The following LAMA4 variants were observed in gnomAD, a reference collection of about 807,000 sequenced individuals.
The protein encoded by LAMA4 is laminin subunit alpha-4.
In LAMA4, 127 loss-of-function variants were observed where a neutral mutation model predicts 207.1. The observed-to-expected ratio is 0.61, with a 90% CI of 0.53 to 0.71. The LOEUF is 0.71. Among genes scored for constraint, LAMA4 ranks in the 30% least tolerant of loss-of-function variants. The pLI, the probability that LAMA4 is intolerant of heterozygous loss-of-function variation, is 0.00. For missense variants in LAMA4, 2,093 were observed against 2,246.5 expected, an observed-to-expected ratio of 0.93 and a Z score of 1.38; for synonymous variants, 761 against 816.0, an observed-to-expected ratio of 0.93 and a Z score of 1.15.
intron 22 of LAMA4, 70 bp downstream of exon 22, chr6:112,140,690 T>A: frequency 6.9e-7 from 1 of 1,441,866 alleles, no homozygotes; most frequent in Non-Finnish European, 9.7e-7. Flanking sequence ...CAAGTCATTA[T>A]AGGTTTATGG....
rs1778270815 is a variant in LAMA4, at chr6:112,120,282, C to T, written c.4665+1G>A. On this transcript the variant is annotated splice_donor_variant, in intron 33 of 38. Transcript: ENST00000230538. LOFTEE classifies it high-confidence loss of function. ...AATGCTGTTCTCTGCCTTCAACTTA[C>T]ATCATGCCACAGGCCATCATTGTAT... 1 of 1,612,952 alleles carries T rather than the reference C, an allele frequency of 6.2e-7. No homozygotes were observed. The highest frequency in any genetic ancestry group is 8.5e-7 in the Non-Finnish European group (1 of 1,179,478).
chr6:112,169,742 T>C (rs1409337582), intron 12 of LAMA4, among the ~76,000 whole-genome samples: 1 of 152,236 alleles, frequency 6.6e-6, no homozygotes, highest in African/African-American at 2.4e-5. Flanking sequence ...ACCATCTGTC[T>C]GAATCAAAAA....
intron 27 of LAMA4, among the ~76,000 whole-genome samples, 191 bp downstream of exon 27, chr6:112,133,158 G>C (rs1003456206): frequency 2.6e-5 from 4 of 152,114 alleles, no homozygotes; most frequent in Non-Finnish European, 5.9e-5. Context: ...GAAAACTGAA[G>C]CAAACGAACA....
intron 7 of LAMA4, among the ~76,000 whole-genome samples, chr6:112,188,328 T>TG (rs1554347380): frequency 6.6e-6 from 1 of 152,120 alleles, no homozygotes; most frequent in African/African-American, 2.4e-5. Context: ...TCAGGCTTGG[T>TG]GGGGGAGATG....
intron 2 of LAMA4, among the ~76,000 whole-genome samples, chr6:112,244,233 C>T (rs994027388): frequency 3.9e-5 from 6 of 152,184 alleles, no homozygotes; most frequent in African/African-American, 1.4e-4. Flanking sequence ...ATAAAAGCCA[C>T]CTCTGGTCTC....
At chr6:112,122,914 T>C (rs782159302) in intron 31 of LAMA4, among the ~76,000 whole-genome samples, 7 of 152,084 alleles carry the variant, frequency 4.6e-5, no homozygotes, top group Non-Finnish European at 1.0e-4. Flanking sequence ...TGGGTAGAAG[T>C]AAAGGGGAAG....
intron 3 of LAMA4, chr6:112,214,036 G>A: frequency 1.3e-6 from 1 of 763,720 alleles, no homozygotes; most frequent in East Asian, 2.5e-5. Context: ...CGATAGGGCA[G>A]AAGCTGAAAA....
At chr6:112,224,551 C>G (rs530594958) in intron 2 of LAMA4, among the ~76,000 whole-genome samples, 73 of 152,284 alleles carry the variant, frequency 4.8e-4, no homozygotes, top group Middle Eastern at 3.4e-3. Flanking sequence ...TGCGGTGGCT[C>G]ACGCCTGTAA....
chr6:112,114,236 G>C, intron 37 of LAMA4, 41 bp from the exon 38 acceptor site: 1 of 1,590,516 alleles, frequency 6.3e-7, no homozygotes, highest in Non-Finnish European at 8.6e-7. Context: ...TGGCACTGGA[G>C]TGATGAATTT....
intron 2 of LAMA4, among the ~76,000 whole-genome samples, chr6:112,239,097 G>T (rs959712260): frequency 6.6e-6 from 1 of 152,100 alleles, no homozygotes; most frequent in Non-Finnish European, 1.5e-5. Flanking sequence ...GAGGCAGGTG[G>T]ATCACTTGAG....
chr6:112,124,915 C>T (rs1345538523), intron 31 of LAMA4, among the ~76,000 whole-genome samples: 1 of 152,114 alleles, frequency 6.6e-6, no homozygotes, highest in Non-Finnish European at 1.5e-5. Flanking sequence ...CGCCACCATG[C>T]CCAGCCAATT....
Position 112,191,736 on chromosome 6 carries a change from A to G in LAMA4, c.618T>C (p.Thr206=), listed in dbSNP as rs782189462. 1 of 1,614,134 alleles carries G rather than the reference A, an allele frequency of 6.2e-7. No individual in the cohort carries two copies. Among genetic ancestry groups the G allele is most frequent in the South Asian group, 1.1e-5 (1 of 91,086 alleles). ...NLIFEDCDEV[T]GQCRNCLRNT... Reference sequence around the variant, plus strand: ...TGCGTAAGCAATTCCTACACTGGCCAGTGACTTCATCACAATCTTCAAAGA... The same window carrying G: ...TGCGTAAGCAATTCCTACACTGGCCGGTGACTTCATCACAATCTTCAAAGA... Residue 206 remains threonine, a synonymous_variant, in exon 6 of 39, where the codon ACT becomes ACC. Coordinates refer to ENST00000230538, the MANE Select transcript of LAMA4 (RefSeq NM_001105206.3).
intron 25 of LAMA4, chr6:112,135,904 G>A (rs1554331380): frequency 2.1e-6 from 1 of 481,090 alleles, no homozygotes; most frequent in Non-Finnish European, 3.8e-6. Flanking sequence ...ATCTTTCAGT[G>A]ACTTTTAAAT....
chr6:112,201,677 G>T lies in LAMA4; in HGVS notation c.434C>A (p.Ser145Tyr). The change falls in exon 5 of 39, where the codon TCC becomes TAC. Residue 145 changes from serine (S) to tyrosine (Y), a missense_variant. Physicochemically the swap from Ser to Tyr is moderately radical, Grantham distance 144 (BLOSUM62 -2). Around this residue, in one of 3 missense-constraint regions of LAMA4, gnomAD observed 1,704 missense variants for 1,788.4 expected, o/e 0.95. Transcript: ENST00000230538. ...AACAGCTCCATTTTTCCTATAGCAG[G>T]ATTCTGCAAAACTAAAATTGGAAGC... ...PLPHLANFAE[S>Y]CYRKNGAVRC... 2 of 1,613,742 alleles carry T rather than the reference G, an allele frequency of 1.2e-6. No homozygotes were observed. The highest frequency in any genetic ancestry group is 1.3e-5 in the African/African-American group (1 of 75,002).
At chr6:112,248,208 A>G (rs1787142276) in intron 2 of LAMA4, among the ~76,000 whole-genome samples, 1 of 152,222 alleles carries the variant, frequency 6.6e-6, no homozygotes, top group South Asian at 2.1e-4. Context: ...GCCCTTAAAA[A>G]TAGTTCAAAT....
chr6:112,170,657 T>G (rs1781659923), intron 12 of LAMA4, among the ~76,000 whole-genome samples: 1 of 152,202 alleles, frequency 6.6e-6, no homozygotes, highest in African/African-American at 2.4e-5. Flanking sequence ...TACTGAGTTG[T>G]TACTTTGTGT....
intron 31 of LAMA4, among the ~76,000 whole-genome samples, chr6:112,125,517 T>A (rs778499479): frequency 6.6e-6 from 1 of 152,222 alleles, no homozygotes; most frequent in Non-Finnish European, 1.5e-5. Context: ...ACCTGAAATG[T>A]TCATTATTAA....
intron 31 of LAMA4, among the ~76,000 whole-genome samples, chr6:112,128,085 T>C (rs1175480346): frequency 2.0e-5 from 3 of 152,112 alleles, no homozygotes; most frequent in African/African-American, 7.2e-5. Context: ...TTGAATAATT[T>C]CCATGATTGT....
chr6:112,155,678 G>A lies in LAMA4; in HGVS notation c.1846C>T (p.Leu616=). ...RKLHSSDMNG[L]VQKALDASNV... ...GATGCATCCAAAGCCTTCTGTACCA[G>A]CCCGTTCATATCTGAACTGTGCAAC... is the stretch of plus-strand genomic sequence containing the variant. The change falls in exon 15 of 39, where the codon CTG becomes TTG. Residue 616 remains leucine, a synonymous_variant. Transcript: ENST00000230538. 1 of 1,613,948 alleles carries A rather than the reference G, an allele frequency of 6.2e-7. No homozygotes were observed. Among genetic ancestry groups the A allele is most frequent in the Non-Finnish European group, 8.5e-7 (1 of 1,179,870 alleles).
Sources: gnomAD v4.1 joint callset for allele counts (sites outside exome capture counted in the v4.1 genomes callset) on GRCh38, gnomAD v4.1.1 for gene constraint, gnomAD v4.1.1 regional missense constraint, MANE v1.5 for transcripts, NCBI Gene and HGNC (gene_info 2026-07-23, HGNC 2026-07-21) for gene names.